Variants in ATP8A2 observed in about 807,000 individuals in gnomAD.
ATP8A2 encodes ATPase phospholipid transporting 8A2.
In ATP8A2, 100 loss-of-function variants were observed where a neutral mutation model predicts 165.6. That is an observed-to-expected ratio of 0.60 (90% CI 0.51 to 0.71). ATP8A2 has a LOEUF of 0.71. Ranked by LOEUF, ATP8A2 falls within the 30% of genes least tolerant of loss-of-function variation. The pLI is 0.00. For missense variants in ATP8A2, 1,227 were observed against 1,479.5 expected, an observed-to-expected ratio of 0.83 and a Z score of 2.80; for synonymous variants, 543 against 548.8, an observed-to-expected ratio of 0.99 and a Z score of 0.15.
chr13:25,794,286 G>A (rs1950451996), intron 27 of ATP8A2, among the ~76,000 whole-genome samples: 1 of 152,204 alleles, frequency 6.6e-6, no homozygotes, highest in Non-Finnish European at 1.5e-5. Context: ...TCCCTTGACT[G>A]AGAAGTGGAT....
At chr13:25,657,842 C>T (rs1282506241) in intron 24 of ATP8A2, among the ~76,000 whole-genome samples, 1 of 152,172 alleles carries the variant, frequency 6.6e-6, no homozygotes. Flanking sequence ...TTAAAATGAG[C>T]AGTTGCTACA....
chr13:25,870,268 G>T (rs775080979), intron 33 of ATP8A2, among the ~76,000 whole-genome samples: 5 of 152,148 alleles, frequency 3.3e-5, no homozygotes, highest in Non-Finnish European at 5.9e-5. Flanking sequence ...GTGTCTGCTG[G>T]CTAGGGTCTC....
intron 3 of ATP8A2, 120 bp downstream of exon 3, chr13:25,530,218 T>C (rs2137902724): frequency 3.0e-6 from 2 of 663,336 alleles, no homozygotes; most frequent in Non-Finnish European, 5.2e-6. Context: ...TTCCCTCCTC[T>C]AGTCATTGTT....
In ATP8A2 at chr13:25,408,079, A is replaced by AT. The variant is rs72513564; in HGVS notation, c.76+35791_76+35792insT. 6.4e-4 allele frequency among the ~76,000 whole-genome samples: 63 copies of AT among 99,060 alleles called. 1 individual carries two copies. Among genetic ancestry groups the AT allele is most frequent in the African/African-American group, 2.0e-3 (59 of 29,284 alleles). The allele number at this position is 99,060 out of a possible 152,430, so 65.0% of individuals were successfully genotyped here. A position where few individuals can be genotyped will look rare whatever the true frequency, so the allele number is the denominator to read the frequency against. On this transcript the variant is annotated intron_variant, in intron 1 of 36. Transcript: ENST00000381655. ...ATGTATCCTGGAACTTAAAGTAAAA[A>AT]AATATATATATATTTGACATTAAAA...
At chr13:25,852,251 A>G (rs1030620375) in intron 30 of ATP8A2, among the ~76,000 whole-genome samples, 1 of 152,160 alleles carries the variant, frequency 6.6e-6, no homozygotes, top group Admixed American at 6.5e-5. Context: ...GGTTGTCACA[A>G]CTAGGATGGG....
At chr13:25,783,725 A>G (rs1050008570) in intron 27 of ATP8A2, among the ~76,000 whole-genome samples, 12 of 152,162 alleles carry the variant, frequency 7.9e-5, no homozygotes, top group African/African-American at 2.9e-4. Flanking sequence ...AGAGCCCAGC[A>G]CCTGCCTTTC....
intron 35 of ATP8A2, among the ~76,000 whole-genome samples, chr13:25,972,688 T>A (rs1442298480): frequency 1.3e-5 from 2 of 152,216 alleles, no homozygotes; most frequent in Non-Finnish European, 2.9e-5. Flanking sequence ...AATGAGGAGC[T>A]AAATGGAAGA....
At chr13:25,708,808 T>C (rs1255457341) in intron 25 of ATP8A2, among the ~76,000 whole-genome samples, 2 of 152,190 alleles carry the variant, frequency 1.3e-5, no homozygotes, top group Non-Finnish European at 2.9e-5. Flanking sequence ...TTTTTAATAT[T>C]TAGTCTTATT....
chr13:25,569,951 T>A (rs1217137085), intron 16 of ATP8A2, among the ~76,000 whole-genome samples: 1 of 152,156 alleles, frequency 6.6e-6, no homozygotes, highest in Non-Finnish European at 1.5e-5. Flanking sequence ...ATTTAGAATA[T>A]TTAGAAGCTT....
intron 2 of ATP8A2, among the ~76,000 whole-genome samples, chr13:25,482,577 T>C (rs1159339870): frequency 6.6e-6 from 1 of 152,040 alleles, no homozygotes; most frequent in Non-Finnish European, 1.5e-5. Flanking sequence ...CCAGAAAAGA[T>C]GTGGAAGAAG....
chr13:25,764,269 C>G (rs891032644), intron 25 of ATP8A2, among the ~76,000 whole-genome samples: 1 of 152,122 alleles, frequency 6.6e-6, no homozygotes, highest in Non-Finnish European at 1.5e-5. Flanking sequence ...TTGAGACACT[C>G]AGATTAAAAG....
intron 35 of ATP8A2, among the ~76,000 whole-genome samples, chr13:26,007,688 C>T (rs11841160): frequency 0.043 from 6,529 of 151,964 alleles, 415 homozygotes; most frequent in African/African-American, 0.14. Flanking sequence ...CTCAAAAGAA[C>T]GAGAAATAAA....
rs117207545 is a variant in ATP8A2, at chr13:25,430,456, T to G, written c.77-38521T>G. Among the ~76,000 whole-genome samples, 691 of 152,238 alleles carry G rather than the reference T, an allele frequency of 4.5e-3. 3 individuals are homozygous for G. Among genetic ancestry groups the G allele is most frequent in the South Asian group, 0.012 (59 of 4,810 alleles). On this transcript the variant is annotated intron_variant, in intron 1 of 36. Transcript: ENST00000381655. Reference sequence around the variant, plus strand: ...TGCACGGCTGGATTTGGCAAAGACTTGTCATTGACCTCGGCAGAGCAATTT... The same window carrying G: ...TGCACGGCTGGATTTGGCAAAGACTGGTCATTGACCTCGGCAGAGCAATTT...
At chr13:25,800,188 C>T (rs1391292946) in intron 27 of ATP8A2, among the ~76,000 whole-genome samples, 1 of 152,228 alleles carries the variant, frequency 6.6e-6, no homozygotes. Flanking sequence ...AGCAGCAAAG[C>T]TGGCATTTAA....
chr13:25,507,241 G>GTGTGTGTGTGTGTGTGTC (rs2037074715), intron 2 of ATP8A2, among the ~76,000 whole-genome samples: 1 of 78,748 alleles, frequency 1.3e-5, no homozygotes, highest in South Asian at 4.0e-4. Flanking sequence ...GTGTGTGTGT[G>GTGTGTGTGTGTGTGTGTC]TGTGTGTGTG....
chr13:26,005,640 T>G (rs1956723001), intron 35 of ATP8A2, among the ~76,000 whole-genome samples: 1 of 152,096 alleles, frequency 6.6e-6, no homozygotes, highest in Admixed American at 6.5e-5. Context: ...GTTTCCATTT[T>G]CATTTGTTTC....
At chr13:25,585,894 T>C (rs929819436) in intron 23 of ATP8A2, among the ~76,000 whole-genome samples, 2 of 152,186 alleles carry the variant, frequency 1.3e-5, no homozygotes, top group Non-Finnish European at 2.9e-5. Flanking sequence ...CACTATAAGC[T>C]TGGGCAACTT....
intron 25 of ATP8A2, among the ~76,000 whole-genome samples, chr13:25,704,301 C>T (rs2137941988): frequency 6.6e-6 from 1 of 151,500 alleles, no homozygotes; most frequent in South Asian, 2.1e-4. Context: ...CCCCTCACTT[C>T]AGCTCCAGTT....
intron 25 of ATP8A2, 60 bp downstream of exon 25, chr13:25,699,405 A>G: frequency 7.8e-7 from 1 of 1,278,528 alleles, no homozygotes; most frequent in Non-Finnish European, 1.0e-6. Flanking sequence ...CCGTGCTTAT[A>G]CAAAAGAAAG....
Sources: allele counts gnomAD v4.1 joint callset (sites outside exome capture counted in the v4.1 genomes callset), GRCh38; gene constraint gnomAD v4.1.1; transcripts MANE v1.5; gene names NCBI Gene and HGNC (gene_info 2026-07-23, HGNC 2026-07-21).